LRP1B: variants seen among roughly 807,000 people sequenced by gnomAD.
The protein encoded by LRP1B is low-density lipoprotein receptor-related protein 1B.
LRP1B carries 217 observed loss-of-function variants against 556.6 expected under a neutral mutation model. That is an observed-to-expected ratio of 0.39 (90% CI 0.35 to 0.44). The LOEUF (loss-of-function observed/expected upper bound fraction) is 0.44, where lower values mean the gene tolerates loss of function less well. Among genes scored for constraint, LRP1B ranks in the 20% least tolerant of loss-of-function variants. The pLI, the probability that LRP1B is intolerant of heterozygous loss-of-function variation, is 1.00. For missense variants in LRP1B, 5,053 were observed against 5,620.8 expected (o/e 0.90, Z 3.23); for synonymous variants, 2,047 against 1,865.8 (o/e 1.10, Z -2.50).
At chr2:140,953,496 G>A (rs1573916964) in intron 18 of LRP1B, among the ~76,000 whole-genome samples, 1 of 152,130 alleles carries the variant, frequency 6.6e-6, no homozygotes, top group Admixed American at 6.6e-5. Context: ...TATATTTGAG[G>A]GAAGACAACG....
At chr2:141,494,596 A>G (rs1288054891) in intron 2 of LRP1B, among the ~76,000 whole-genome samples, 1 of 151,866 alleles carries the variant, frequency 6.6e-6, no homozygotes, top group African/African-American at 2.4e-5. Flanking sequence ...TGTTTTAAAC[A>G]GAGCTGAATG....
intron 4 of LRP1B, among the ~76,000 whole-genome samples, 160 bp downstream of exon 4, chr2:141,254,362 T>C (rs1684381370): frequency 6.6e-6 from 1 of 152,144 alleles, no homozygotes; most frequent in South Asian, 2.1e-4. Flanking sequence ...CTTATAATAA[T>C]GTTTATGTTT....
intron 76 of LRP1B, among the ~76,000 whole-genome samples, chr2:140,352,168 T>G (rs1343882850): frequency 6.6e-6 from 1 of 152,062 alleles, no homozygotes; most frequent in African/African-American, 2.4e-5. Flanking sequence ...TTTAATCTTT[T>G]TTTGTTTGTT....
At position 141,999,602 on chromosome 2, in the gene LRP1B, G is replaced by C. The variant is rs182478725; in HGVS notation, c.82+131046C>G. Among the ~76,000 whole-genome samples the C allele has an allele frequency of 7.9e-5, 12 of 152,006 alleles. No homozygotes were observed. The East Asian group carries it at 2.3e-3, about 29-fold the overall frequency. ...CAATTAAAAGTAGAGTTTGTTAATA[G>C]GTTAAGCCATACCTTTCTATTTAAT... On this transcript the variant is annotated intron_variant, in intron 1 of 90. Transcript: ENST00000389484.
At chr2:140,699,331 T>C (rs1686547292) in intron 41 of LRP1B, among the ~76,000 whole-genome samples, 1 of 152,056 alleles carries the variant, frequency 6.6e-6, no homozygotes, top group Admixed American at 6.6e-5. Context: ...ATATATTTAG[T>C]ATCATTCCAC....
intron 59 of LRP1B, among the ~76,000 whole-genome samples, chr2:140,483,402 G>A (rs1688319545): frequency 6.6e-6 from 1 of 151,542 alleles, no homozygotes; most frequent in South Asian, 2.1e-4. Flanking sequence ...CACTAGAATA[G>A]GACACAGGTT....
chr2:140,999,938 G>T (rs1471663143), intron 15 of LRP1B, among the ~76,000 whole-genome samples: 1 of 152,034 alleles, frequency 6.6e-6, no homozygotes, highest in Non-Finnish European at 1.5e-5. Flanking sequence ...TTGAGATGGG[G>T]TCTTGCTCTG....
At chr2:141,518,210 C>T (rs569704580) in intron 2 of LRP1B, among the ~76,000 whole-genome samples, 6 of 151,774 alleles carry the variant, frequency 4.0e-5, no homozygotes, top group Non-Finnish European at 5.9e-5. Context: ...GCAGAGAGCT[C>T]GGTAGACAGA....
intron 3 of LRP1B, among the ~76,000 whole-genome samples, chr2:141,473,273 A>G (rs1682550818): frequency 6.6e-6 from 1 of 152,232 alleles, no homozygotes; most frequent in Non-Finnish European, 1.5e-5. Flanking sequence ...ATACGTTTAT[A>G]TATACACACA....
chr2:141,249,899 C>T (rs1684199666), intron 4 of LRP1B, among the ~76,000 whole-genome samples: 1 of 152,056 alleles, frequency 6.6e-6, no homozygotes, highest in African/African-American at 2.4e-5. Context: ...TTACTGAGTC[C>T]TTAAATGGGA....
Position 141,147,325 on chromosome 2 carries a change from T to C in LRP1B, c.1013+41096A>G, listed in dbSNP as rs188250282. ...AGCAGTCTATCAAATTCTTAAACCA[T>C]GTGAGGTTCCTATGAGGACCCTGAT... is the stretch of plus-strand genomic sequence containing the variant. On this transcript the variant is annotated intron_variant, in intron 7 of 90. Coordinates refer to ENST00000389484, the MANE Select transcript of LRP1B (RefSeq NM_018557.3). 1.5e-4 allele frequency among the ~76,000 whole-genome samples: 23 copies of C among 152,240 alleles called. No individual in the cohort carries two copies. In the East Asian group the frequency reaches 4.1e-3, roughly 27 times the overall value.
At chr2:140,838,256 C>T (rs16844876) in intron 31 of LRP1B, among the ~76,000 whole-genome samples, 4,532 of 152,172 alleles carry the variant, frequency 0.03, 212 homozygotes, top group African/African-American at 0.1. Flanking sequence ...TGAACAATTC[C>T]AGATAAGTAC....
At chr2:142,093,068 A>G (rs1706229032) in intron 1 of LRP1B, among the ~76,000 whole-genome samples, 1 of 152,124 alleles carries the variant, frequency 6.6e-6, no homozygotes, top group Non-Finnish European at 1.5e-5. Flanking sequence ...CCTGTCTGGT[A>G]CTTTCACATT....
intron 86 of LRP1B, among the ~76,000 whole-genome samples, chr2:140,250,522 C>CT (rs373435206): frequency 0.088 from 12,900 of 146,458 alleles, 619 homozygotes; most frequent in Non-Finnish European, 0.11. Context: ...TCTTTGACTT[C>CT]TTTTTTTTTT....
At chr2:141,413,000 G>A (rs1288310928) in intron 3 of LRP1B, among the ~76,000 whole-genome samples, 1 of 152,142 alleles carries the variant, frequency 6.6e-6, no homozygotes, top group African/African-American at 2.4e-5. Flanking sequence ...GCCAGAGCAA[G>A]GGGAAGACTT....
chr2:140,775,424 A>C (rs1689458464), intron 33 of LRP1B, among the ~76,000 whole-genome samples: 1 of 151,542 alleles, frequency 6.6e-6, no homozygotes, highest in African/African-American at 2.4e-5. Context: ...ATTTTCATGG[A>C]AGAGACTAAT....
chr2:140,752,859 T>C (rs1197874431), intron 35 of LRP1B, among the ~76,000 whole-genome samples: 1 of 152,218 alleles, frequency 6.6e-6, no homozygotes, highest in African/African-American at 2.4e-5. Flanking sequence ...TTTACTAAAA[T>C]TGATAAATCT....
chr2:141,956,557 C>A (rs902423416), intron 1 of LRP1B, among the ~76,000 whole-genome samples: 5 of 152,100 alleles, frequency 3.3e-5, no homozygotes, highest in Non-Finnish European at 7.4e-5. Flanking sequence ...TAAAATGCTA[C>A]CTTTTGATGC....
At chr2:140,698,086 TG>T (rs1313100925) in intron 41 of LRP1B, among the ~76,000 whole-genome samples, 3 of 152,086 alleles carry the variant, frequency 2.0e-5, no homozygotes, top group Non-Finnish European at 4.4e-5. Flanking sequence ...CTGCTTATTT[TG>T]GCAGACCAAG....
Sources: gnomAD v4.1 joint callset for allele counts (sites outside exome capture counted in the v4.1 genomes callset) on GRCh38, gnomAD v4.1.1 for gene constraint, MANE v1.5 for transcripts, NCBI Gene and HGNC (gene_info 2026-07-23, HGNC 2026-07-21) for gene names.